The following MBNL3 variants were observed in gnomAD, a reference collection of about 807,000 sequenced individuals.
MBNL3 encodes the protein muscleblind-like protein 3.
MBNL3 carries 6 observed loss-of-function variants against 24.5 expected under a neutral mutation model. The ratio of observed to expected loss-of-function variants is 0.25; its 90% CI spans 0.13 to 0.48. MBNL3 has a LOEUF of 0.48. Among genes scored for constraint, MBNL3 ranks in the 20% least tolerant of loss-of-function variants. The probability of loss-of-function intolerance (pLI) is 0.99; values close to 1 mark genes in which losing one functional copy is unlikely to be tolerated. For synonymous variants in MBNL3, 100 were observed against 101.7 expected, an observed-to-expected ratio of 0.98 and a Z score of 0.10; for missense variants, 230 against 293.5, an observed-to-expected ratio of 0.78 and a Z score of 1.58.
intron 1 of MBNL3, among the ~76,000 whole-genome samples, chrX:132,471,760 T>G (rs959591003): frequency 1.2e-4 from 14 of 112,433 alleles, no homozygotes; most frequent in Admixed American, 3.8e-4. Flanking sequence ...TAAATATAAG[T>G]TAAAGATGTT....
chrX:132,409,150 G>A (rs1246633280), intron 2 of MBNL3, among the ~76,000 whole-genome samples: 1 of 112,377 alleles, frequency 8.9e-6, no homozygotes, highest in Non-Finnish European at 1.9e-5. Flanking sequence ...AACACTTGGT[G>A]ATAATAAATC....
intron 2 of MBNL3, among the ~76,000 whole-genome samples, chrX:132,424,942 C>T (rs191575043): frequency 2.7e-5 from 3 of 111,063 alleles, no homozygotes; most frequent in Non-Finnish European, 5.7e-5. Flanking sequence ...TGTCACATGC[C>T]ACTAAAGTGA....
At chrX:132,401,598 G>A (rs1940934999) in intron 3 of MBNL3, among the ~76,000 whole-genome samples, 1 of 104,204 alleles carries the variant, frequency 9.6e-6, no homozygotes, top group Non-Finnish European at 2.0e-5. Context: ...TCCACAGAGT[G>A]ATACCGTGTC....
At chrX:132,470,983 A>T (rs1947150348) in intron 1 of MBNL3, among the ~76,000 whole-genome samples, 1 of 111,453 alleles carries the variant, frequency 9.0e-6, no homozygotes, top group Non-Finnish European at 1.9e-5. Context: ...ACTGTTTACT[A>T]GCAGAATGTC....
At chrX:132,391,861 GA>G (rs200844872) in intron 4 of MBNL3, among the ~76,000 whole-genome samples, 12,987 of 111,292 alleles carry the variant, frequency 0.12, 726 homozygotes, top group East Asian at 0.31. Context: ...ATCTGTTTCT[GA>G]AAGCTGGAGC....
rs746494046 is a variant in MBNL3, at chrX:132,428,979, C to A, written c.177+10456G>T. Among the ~76,000 whole-genome samples the A allele has an allele frequency of 6.3e-5, 7 of 111,907 alleles. 1 individual carries two copies. Among genetic ancestry groups the A allele is most frequent in the Non-Finnish European group, 9.4e-5 (5 of 53,158 alleles). ...TGAAATATAATAGTTTTCAAATTTC[C>A]AATTTCCAAATCTCTCCTACTTAAT... On this transcript the variant is annotated intron_variant, in intron 2 of 8. Transcript: ENST00000370853.
At chrX:132,479,794 C>T (rs1947634179) in intron 1 of MBNL3, among the ~76,000 whole-genome samples, 1 of 111,134 alleles carries the variant, frequency 9.0e-6, no homozygotes, top group African/African-American at 3.3e-5. Context: ...AGATTCAGCC[C>T]ACCCCTGCCA....
chrX:132,434,208 A>G (rs1944970449), intron 2 of MBNL3, among the ~76,000 whole-genome samples: 1 of 112,090 alleles, frequency 8.9e-6, no homozygotes, highest in African/African-American at 3.2e-5. Context: ...AGGCACACAC[A>G]TATCACATCA....
chrX:132,455,546 C>A (rs1004867537), intron 1 of MBNL3, among the ~76,000 whole-genome samples: 1 of 111,588 alleles, frequency 9.0e-6, no homozygotes, highest in Non-Finnish European at 1.9e-5. Flanking sequence ...TGAACAGAGG[C>A]CCAGAAGGAT....
rs1433367882 is a variant in MBNL3, at chrX:132,374,774, A to G, written c.*4892T>C. The G allele has an allele frequency of 1.8e-5, 2 of 112,027 alleles. No homozygotes were observed. The highest frequency in any genetic ancestry group is 3.8e-5 in the Non-Finnish European group (2 of 53,075). The allele number at this position is 112,027 out of a possible 1,213,427, so 9.2% of individuals were successfully genotyped here. ...TATCTTTATGTATAGTTTTAAAAATATGAATTAATTTCAAAAGAGGCTTTA... is the reference window on the plus strand; with the variant it reads ...TATCTTTATGTATAGTTTTAAAAATGTGAATTAATTTCAAAAGAGGCTTTA... On this transcript the variant is annotated 3_prime_UTR_variant, in exon 9 of 9. Coordinates refer to ENST00000370853, the MANE Select transcript of MBNL3 (RefSeq NM_001386889.1).
At chrX:132,445,875 C>T (rs1192560762) in intron 1 of MBNL3, among the ~76,000 whole-genome samples, 3 of 111,119 alleles carry the variant, frequency 2.7e-5, no homozygotes, top group Non-Finnish European at 5.7e-5. Context: ...ATACACGTGC[C>T]ATGGTGGTTT....
At chrX:132,466,981 G>T (rs1340627072) in intron 1 of MBNL3, among the ~76,000 whole-genome samples, 1 of 111,483 alleles carries the variant, frequency 9.0e-6, no homozygotes, top group Non-Finnish European at 1.9e-5. Context: ...GGTACTATAG[G>T]CAGTATCTAT....
At chrX:132,379,810 A>C in intron 8 of MBNL3, 133 bp from the exon 9 acceptor site, 1 of 476,291 alleles carries the variant, frequency 2.1e-6, no homozygotes, top group Non-Finnish European at 3.6e-6. Flanking sequence ...CCCAATCTGA[A>C]TTTCAGATTG....
intron 3 of MBNL3, among the ~76,000 whole-genome samples, chrX:132,392,908 T>C (rs1475022228): frequency 9.0e-6 from 1 of 111,711 alleles, no homozygotes; most frequent in Non-Finnish European, 1.9e-5. Context: ...TTAGAAAAAG[T>C]GAGTGCTTTA....
chrX:132,473,861 G>A (rs755467842), intron 1 of MBNL3, among the ~76,000 whole-genome samples: 386 of 111,416 alleles, frequency 3.5e-3, no homozygotes, highest in Non-Finnish European at 5.3e-3. Context: ...GTTTTTCAAT[G>A]TATTTGCATT....
chrX:132,467,588 A>G (rs1946957765), intron 1 of MBNL3, among the ~76,000 whole-genome samples: 1 of 112,253 alleles, frequency 8.9e-6, no homozygotes, highest in African/African-American at 3.2e-5. Context: ...TTTACATTTA[A>G]TGGCAAAGAT....
chrX:132,396,545 CCTATATATTCCTATATATATTCCTA>C (rs1569424324), intron 3 of MBNL3, among the ~76,000 whole-genome samples: 2 of 47,456 alleles, frequency 4.2e-5, no homozygotes, highest in African/African-American at 9.2e-5. Context: ...TATATATATT[CCTATATATTCCTATATATATTCCTA>C]TATATATTCC....
intron 2 of MBNL3, chrX:132,437,933 A>T (rs1349075350): frequency 1.5e-6 from 1 of 674,049 alleles, no homozygotes; most frequent in Non-Finnish European, 1.8e-6. Context: ...CTATTCTTAA[A>T]ATGGAATGGT....
chrX:132,370,305 A>T lies in MBNL3; in HGVS notation c.*9361T>A, dbSNP rs761471228. 51 of 112,129 alleles carry T rather than the reference A, an allele frequency of 4.5e-4. 1 individual carries two copies. In the Middle Eastern group the frequency reaches 0.018, roughly 40 times the overall value. The allele number at this position is 112,129 out of a possible 1,213,427, so 9.2% of individuals were successfully genotyped here. On this transcript the variant is annotated 3_prime_UTR_variant, in exon 9 of 9. Transcript: ENST00000370853. ...CATTGTATCATGCCCTCTACAGATG[A>T]TGACCATGGGAATGGATTCTGGTCA...
Sources: allele counts gnomAD v4.1 joint callset (sites outside exome capture counted in the v4.1 genomes callset), GRCh38; gene constraint gnomAD v4.1.1; transcripts MANE v1.5; gene names NCBI Gene and HGNC (gene_info 2026-07-23, HGNC 2026-07-21).